WWOX: variants seen among roughly 807,000 people sequenced by gnomAD.
WWOX encodes the protein WW domain containing oxidoreductase.
In WWOX, 69 loss-of-function variants were observed where a neutral mutation model predicts 46.2. The observed-to-expected ratio is 1.49, with a 90% CI of 1.23 to 1.82. The LOEUF (loss-of-function observed/expected upper bound fraction) is 1.82, where lower values mean the gene tolerates loss of function less well. WWOX is among the 40% of genes most tolerant of loss of function. The pLI, the probability that WWOX is intolerant of heterozygous loss-of-function variation, is 0.00. For synonymous variants in WWOX, 359 were observed against 202.6 expected (o/e 1.77, Z -6.56); for missense variants, 919 against 542.6 (o/e 1.69, Z -6.89).
intron 8 of WWOX, among the ~76,000 whole-genome samples, chr16:78,565,689 C>G (rs1335973972): frequency 6.6e-6 from 1 of 152,122 alleles, no homozygotes; most frequent in African/African-American, 2.4e-5. Context: ...TGTAGGGAGT[C>G]ATTATTACTC....
chr16:78,109,698 G>C, intron 2 of WWOX, 80 bp from the exon 3 acceptor site: 1 of 1,473,962 alleles, frequency 6.8e-7, no homozygotes, highest in Non-Finnish European at 9.5e-7. Flanking sequence ...GCGGGGCTGG[G>C]AGGGCTCCTT....
chr16:78,975,438 G>A (rs777614463), intron 8 of WWOX, among the ~76,000 whole-genome samples: 1 of 151,798 alleles, frequency 6.6e-6, no homozygotes, highest in Non-Finnish European at 1.5e-5. Flanking sequence ...AAGAAACCTT[G>A]GCCTAGAGGG....
At chr16:78,362,917 T>C (rs1368387715) in intron 5 of WWOX, among the ~76,000 whole-genome samples, 4 of 152,198 alleles carry the variant, frequency 2.6e-5, no homozygotes, top group South Asian at 2.1e-4. Flanking sequence ...CAGAATGTTA[T>C]CCTGCTCAGA....
chr16:78,515,371 G>C (rs936114447), intron 8 of WWOX, among the ~76,000 whole-genome samples: 26 of 152,302 alleles, frequency 1.7e-4, no homozygotes, highest in African/African-American at 6.3e-4. Flanking sequence ...GTACAGCTAA[G>C]CTCATCGTAG....
rs1057517847 is a variant in WWOX at position 78,424,982 on chromosome 16, G to T, written c.718G>T (p.Val240Phe). 5 of 1,614,016 alleles carry T rather than the reference G, an allele frequency of 3.1e-6. No individual in the cohort carries two copies. The African/African-American group carries it at 6.7e-5, about 22-fold the overall frequency. The change falls in exon 7 of 9, where the codon GTC (valine) becomes TTC (phenylalanine). Residue 240 changes from valine to phenylalanine, a missense_variant. By Grantham distance (50) the Val-to-Phe change is conservative. Transcript: ENST00000566780. Reference sequence around the variant, plus strand: ...GAATCATCTGGGGCACTTCTACCTTGTCCAGCTCCTCCAGGATGTTTTGTG... The same window carrying T: ...GAATCATCTGGGGCACTTCTACCTTTTCCAGCTCCTCCAGGATGTTTTGTG... Reference protein sequence around the residue: ...QVNHLGHFYLVQLLQDVLCRS... With the variant: ...QVNHLGHFYLFQLLQDVLCRS...
chr16:78,664,484 C>G (rs2047285605), intron 8 of WWOX, among the ~76,000 whole-genome samples: 3 of 152,192 alleles, frequency 2.0e-5, no homozygotes, highest in South Asian at 2.1e-4. Context: ...CCTGTACCCT[C>G]AAAGGATGCC....
chr16:78,941,933 T>C (rs992849029), intron 8 of WWOX, among the ~76,000 whole-genome samples: 1 of 152,204 alleles, frequency 6.6e-6, no homozygotes, highest in Non-Finnish European at 1.5e-5. Flanking sequence ...TATTTTTTAC[T>C]GTAAACATTG....
chr16:79,209,495 A>G (rs1283054846), intron 8 of WWOX, among the ~76,000 whole-genome samples: 2 of 152,220 alleles, frequency 1.3e-5, no homozygotes, highest in South Asian at 2.1e-4. Context: ...GCTGAATAGT[A>G]TAACCATTGT....
chr16:78,934,230 C>T (rs910323423), intron 8 of WWOX, among the ~76,000 whole-genome samples: 13 of 150,442 alleles, frequency 8.6e-5, no homozygotes, highest in Admixed American at 2.0e-4. Flanking sequence ...CCCAGCTACT[C>T]GGGAGGCTGA....
chr16:78,939,645 G>A (rs760821528), intron 8 of WWOX, among the ~76,000 whole-genome samples: 21 of 152,238 alleles, frequency 1.4e-4, no homozygotes, highest in East Asian at 5.8e-4. Flanking sequence ...ATCAAATATC[G>A]AATTATTAAA....
Position 78,928,424 on chromosome 16 carries a change from G to A in WWOX, c.1057-283184G>A, listed in dbSNP as rs570686394. On this transcript the variant is annotated intron_variant, in intron 8 of 8. Coordinates refer to ENST00000566780, the MANE Select transcript of WWOX (RefSeq NM_016373.4). Reference sequence around the variant, plus strand: ...TCACCGTGTTAGCCAGGATGGTCTCGATCTCCTGACCTCGTGATCTGCCCG... The same window carrying A: ...TCACCGTGTTAGCCAGGATGGTCTCAATCTCCTGACCTCGTGATCTGCCCG... Among the ~76,000 whole-genome samples, 12 of 151,894 alleles carry A rather than the reference G, an allele frequency of 7.9e-5. No individual in the cohort carries two copies. The East Asian group carries it at 2.3e-3, about 30-fold the overall frequency.
chr16:79,006,965 C>T (rs78297714), intron 8 of WWOX, among the ~76,000 whole-genome samples: 1,858 of 152,252 alleles, frequency 0.012, 33 homozygotes, highest in African/African-American at 0.043. Context: ...TCAGTTCCAC[C>T]CACAATCTTC....
intron 5 of WWOX, among the ~76,000 whole-genome samples, chr16:78,295,263 T>C (rs2079925590): frequency 6.6e-6 from 1 of 152,212 alleles, no homozygotes; most frequent in Non-Finnish European, 1.5e-5. Context: ...AATGTGCTAA[T>C]CAAGCTGTCT....
chr16:78,352,398 C>T (rs4624193), intron 5 of WWOX, among the ~76,000 whole-genome samples: 60,292 of 152,076 alleles, frequency 0.4, 12,928 homozygotes, highest in Non-Finnish European at 0.49. Flanking sequence ...GACACCATTT[C>T]TTTCTGTAGG....
intron 8 of WWOX, among the ~76,000 whole-genome samples, chr16:78,656,262 A>G (rs1320839453): frequency 1.3e-5 from 2 of 151,954 alleles, no homozygotes; most frequent in East Asian, 3.9e-4. Flanking sequence ...GATCAATGCT[A>G]TCTGATGAGG....
At chr16:78,141,430 CTTT>C (rs10639685) in intron 4 of WWOX, among the ~76,000 whole-genome samples, 4 of 118,950 alleles carry the variant, frequency 3.4e-5, no homozygotes, top group East Asian at 4.9e-4. Context: ...CATCCCCCTT[CTTT>C]TTTTTTTTTT....
chr16:79,136,267 T>C (rs1031839582), intron 8 of WWOX, among the ~76,000 whole-genome samples: 4 of 151,868 alleles, frequency 2.6e-5, no homozygotes, highest in African/African-American at 9.7e-5. Context: ...AGTCTTGCTC[T>C]TTTGCCAGGC....
At chr16:78,309,337 A>C (rs562462375) in intron 5 of WWOX, among the ~76,000 whole-genome samples, 1 of 152,258 alleles carries the variant, frequency 6.6e-6, no homozygotes, top group African/African-American at 2.4e-5. Flanking sequence ...CCCTGATTAT[A>C]AGTTTCTTGA....
Position 78,164,187 on chromosome 16 carries a change from C to A in WWOX, c.414C>A (p.Phe138Leu). Residue 138 changes from phenylalanine to leucine, a missense_variant, in exon 5 of 9, where the codon TTC becomes TTA. By Grantham distance (22) the Phe-to-Leu change is conservative (BLOSUM62 0). Transcript: ENST00000566780. ...VVTGANSGIG[F>L]ETAKSFALHG... ...TGACTTTCCTTTAAACCATAGGGTT[C>A]GAAACCGCCAAGTCTTTTGCCCTCC... 6.2e-7 allele frequency: 1 copy of A among 1,613,828 alleles called. No individual in the cohort carries two copies. Among genetic ancestry groups the A allele is most frequent in the Non-Finnish European group, 8.5e-7 (1 of 1,179,944 alleles).
Sources: allele counts gnomAD v4.1 joint callset (sites outside exome capture counted in the v4.1 genomes callset), GRCh38; gene constraint gnomAD v4.1.1; transcripts MANE v1.5; gene names NCBI Gene and HGNC (gene_info 2026-07-23, HGNC 2026-07-21).